TAX1BP1: variants seen among roughly 807,000 people sequenced by gnomAD.
TAX1BP1 encodes the protein tax1-binding protein 1.
In TAX1BP1, 62 loss-of-function variants were observed where a neutral mutation model predicts 97.7. The observed-to-expected ratio is 0.63, with a 90% CI of 0.52 to 0.78. The LOEUF is 0.78. Among genes scored for constraint, TAX1BP1 ranks in the 30% least tolerant of loss-of-function variants. The probability of loss-of-function intolerance (pLI) is 0.00; values close to 1 mark genes in which losing one functional copy is unlikely to be tolerated. For missense variants in TAX1BP1, 867 were observed against 916.1 expected (o/e 0.95, Z 0.69); for synonymous variants, 340 against 304.2 (o/e 1.12, Z -1.23).
chr7:27,806,091 T>G (rs1790325922), intron 13 of TAX1BP1, among the ~76,000 whole-genome samples: 1 of 151,664 alleles, frequency 6.6e-6, no homozygotes, highest in Non-Finnish European at 1.5e-5. Flanking sequence ...AGTTTCAGTT[T>G]TTTTTTTTTT....
intron 7 of TAX1BP1, among the ~76,000 whole-genome samples, chr7:27,786,978 G>A (rs376940455): frequency 1.4e-4 from 21 of 152,186 alleles, no homozygotes; most frequent in South Asian, 2.1e-4. Flanking sequence ...AAATGATATC[G>A]TACTTTTCGC....
chr7:27,820,420 T>C (rs1790931982), intron 15 of TAX1BP1, among the ~76,000 whole-genome samples: 1 of 152,202 alleles, frequency 6.6e-6, no homozygotes, highest in African/African-American at 2.4e-5. Flanking sequence ...AACCAGTGCT[T>C]GAGAGAGTTG....
rs770046826 is a variant in TAX1BP1 at position 27,816,509 on chromosome 7, A to G, written c.1925A>G (p.Gln642Arg). Residue 642 changes from glutamine (Q) to arginine (R), a missense_variant, in exon 14 of 17, where the codon CAG becomes CGG. Gln to Arg is a conservative substitution (Grantham distance 43, BLOSUM62 1). Around this residue, in one of 3 missense-constraint regions of TAX1BP1, gnomAD observed 822 missense variants for 851.4 expected, o/e 0.97. Coordinates refer to ENST00000396319, the MANE Select transcript of TAX1BP1 (RefSeq NM_006024.7). ...CAATATGGTAATCCTTATGCATCTC[A>G]GGAAACAAGAGGTTATTACAGTATT... ...VLQYGNPYAS[Q>R]ETRDGADGAF... 2.0e-6 allele frequency: 3 copies of G among 1,532,292 alleles called. No individual in the cohort carries two copies. The South Asian group carries it at 4.0e-5, about 20-fold the overall frequency. 94.9% of individuals were successfully genotyped at this position (1,532,292 alleles called of 1,614,324 possible).
chr7:27,786,188 G>C (rs1015090643), intron 7 of TAX1BP1, among the ~76,000 whole-genome samples: 11 of 150,500 alleles, frequency 7.3e-5, no homozygotes, highest in African/African-American at 2.7e-4. Flanking sequence ...CTGAAGTGCA[G>C]TGGTGCGATC....
At chr7:27,785,120 A>G in intron 5 of TAX1BP1, 43 bp from the exon 6 acceptor site, 1 of 1,558,802 alleles carries the variant, frequency 6.4e-7, no homozygotes, top group Non-Finnish European at 8.6e-7. Context: ...TTTACTGATT[A>G]TGTTTCTGTG....
At chr7:27,778,358 T>C (rs939402135) in intron 5 of TAX1BP1, among the ~76,000 whole-genome samples, 6 of 152,166 alleles carry the variant, frequency 3.9e-5, no homozygotes, top group Non-Finnish European at 7.4e-5. Flanking sequence ...GGTCTAGTAC[T>C]GTTCGCCTAG....
At position 27,784,018 on chromosome 7, in the gene TAX1BP1, T is replaced by G. The variant is rs558316825; in HGVS notation, c.613-1145T>G. The stretch of plus-strand genomic sequence containing the variant: ...ACCAAAAATAAGTCAATAGGGTGTA[T>G]CTGACTTTTAGAAAATAATGTAGCA... On this transcript the variant is annotated intron_variant, in intron 5 of 16. Transcript: ENST00000396319. Among the ~76,000 whole-genome samples, 5 of 152,336 alleles carry G rather than the reference T, an allele frequency of 3.3e-5. No homozygotes were observed. In the East Asian group the frequency reaches 7.7e-4, roughly 23 times the overall value.
chr7:27,798,514 A>G (rs927121211), intron 12 of TAX1BP1, among the ~76,000 whole-genome samples: 1 of 151,978 alleles, frequency 6.6e-6, no homozygotes, highest in Non-Finnish European at 1.5e-5. Flanking sequence ...AAATACAAAA[A>G]TTAGCTGGGC....
At chr7:27,764,581 A>AT (rs1174684307) in intron 3 of TAX1BP1, among the ~76,000 whole-genome samples, 2 of 152,020 alleles carry the variant, frequency 1.3e-5, no homozygotes, top group African/African-American at 2.4e-5. Flanking sequence ...TAAAGTTATT[A>AT]TTTTTTTCCC....
intron 8 of TAX1BP1, among the ~76,000 whole-genome samples, chr7:27,789,521 C>G (rs1789620055): frequency 6.6e-6 from 1 of 151,778 alleles, no homozygotes; most frequent in African/African-American, 2.4e-5. Flanking sequence ...CATGTACATA[C>G]ATCCTTCTTT....
At position 27,769,693 on chromosome 7, in the gene TAX1BP1, C is replaced by A; in HGVS notation, c.471C>A (p.Thr157=). ...CTTTATAGTTGAAAATTGAGAAAAC[C>A]ATGAAAGAAAAAGAAGAACTGTTAA... ...AGLLELKIEK[T]MKEKEELLKL... Residue 157 remains threonine (T), a synonymous_variant, in exon 5 of 17, where the codon ACC becomes ACA. Coordinates refer to ENST00000396319, the MANE Select transcript of TAX1BP1 (RefSeq NM_006024.7). 1.9e-6 allele frequency: 3 copies of A among 1,604,180 alleles called. No individual in the cohort carries two copies. Among genetic ancestry groups the A allele is most frequent in the Non-Finnish European group, 2.6e-6 (3 of 1,176,264 alleles).
intron 5 of TAX1BP1, among the ~76,000 whole-genome samples, chr7:27,776,007 TTCTC>T (rs3073704): frequency 0.12 from 18,475 of 152,028 alleles, 1,172 homozygotes; most frequent in East Asian, 0.13. Context: ...CTGTCTGTCT[TTCTC>T]TCTCTCCCCA....
At chr7:27,752,169 C>A (rs1008489911) in intron 2 of TAX1BP1, among the ~76,000 whole-genome samples, 6 of 145,922 alleles carry the variant, frequency 4.1e-5, no homozygotes, top group African/African-American at 1.3e-4. Flanking sequence ...ATAATGAAAG[C>A]CTAAAGTGGA....
At chr7:27,773,401 T>A (rs1583691506) in intron 5 of TAX1BP1, among the ~76,000 whole-genome samples, 1 of 152,136 alleles carries the variant, frequency 6.6e-6, no homozygotes, top group Admixed American at 6.6e-5. Flanking sequence ...AGGAACAAAT[T>A]CATCCCCAAA....
At chr7:27,755,130 A>G (rs112272572) in intron 2 of TAX1BP1, among the ~76,000 whole-genome samples, 8 of 152,262 alleles carry the variant, frequency 5.3e-5, no homozygotes, top group African/African-American at 7.2e-5. Context: ...TAGAAGCTAC[A>G]TTGTATACAG....
chr7:27,791,903 T>C, intron 8 of TAX1BP1, 103 bp from the exon 9 acceptor site: 6 of 976,840 alleles, frequency 6.1e-6, no homozygotes, highest in Non-Finnish European at 9.2e-6. Context: ...GAAAAACCAA[T>C]ATCTAAAATT....
At chr7:27,742,309 A>G (rs1188881452) in intron 1 of TAX1BP1, among the ~76,000 whole-genome samples, 1 of 152,188 alleles carries the variant, frequency 6.6e-6, no homozygotes, top group Non-Finnish European at 1.5e-5. Context: ...TCCTAGGCAG[A>G]GGTCCCTGCA....
At chr7:27,766,281 G>A (rs1345802375) in intron 4 of TAX1BP1, among the ~76,000 whole-genome samples, 2 of 151,838 alleles carry the variant, frequency 1.3e-5, no homozygotes, top group African/African-American at 4.8e-5. Context: ...TTAGACGGGC[G>A]TGGTGGCAGG....
At chr7:27,749,254 T>C (rs1379845790) in intron 2 of TAX1BP1, among the ~76,000 whole-genome samples, 1 of 152,208 alleles carries the variant, frequency 6.6e-6, no homozygotes, top group Non-Finnish European at 1.5e-5. Context: ...AAAATGAAGG[T>C]GATCATTACA....
Sources: gnomAD v4.1 joint callset for allele counts (sites outside exome capture counted in the v4.1 genomes callset) on GRCh38, gnomAD v4.1.1 for gene constraint, gnomAD v4.1.1 regional missense constraint, MANE v1.5 for transcripts, NCBI Gene and HGNC (gene_info 2026-07-23, HGNC 2026-07-21) for gene names.